REEP3: variants seen among roughly 807,000 people sequenced by gnomAD.
REEP3 encodes the protein receptor expression-enhancing protein 3.
Under a neutral mutation model 41.3 loss-of-function variants are expected in REEP3, and 20 were observed. The observed-to-expected ratio is 0.48, with a 90% CI of 0.34 to 0.70. The LOEUF (loss-of-function observed/expected upper bound fraction) is 0.70, where lower values mean the gene tolerates loss of function less well. REEP3 is among the 30% of genes least tolerant of loss of function. The pLI is 0.01. For synonymous variants in REEP3, 104 were observed against 101.8 expected, an observed-to-expected ratio of 1.02 and a Z score of -0.13; for missense variants, 271 against 308.8, an observed-to-expected ratio of 0.88 and a Z score of 0.92.
chr10:63,611,997 T>C (rs948285666), intron 6 of REEP3, among the ~76,000 whole-genome samples: 5 of 151,912 alleles, frequency 3.3e-5, no homozygotes, highest in Non-Finnish European at 5.9e-5. Flanking sequence ...CAAGAATGAA[T>C]ACCTTTACAA....
chr10:63,543,833 C>T (rs1955553200), intron 1 of REEP3, among the ~76,000 whole-genome samples: 1 of 152,132 alleles, frequency 6.6e-6, no homozygotes, highest in Non-Finnish European at 1.5e-5. Flanking sequence ...ACTAGTAATA[C>T]TTACAAAATG....
chr10:63,617,331 CTTA>C, intron 6 of REEP3, among the ~76,000 whole-genome samples: 1 of 152,112 alleles, frequency 6.6e-6, no homozygotes, highest in East Asian at 1.9e-4. Flanking sequence ...GAGTAACAAG[CTTA>C]TTAACAACTC....
intron 2 of REEP3, among the ~76,000 whole-genome samples, chr10:63,575,390 GC>G (rs1266594940): frequency 6.6e-6 from 1 of 152,132 alleles, no homozygotes; most frequent in Non-Finnish European, 1.5e-5. Flanking sequence ...AGTCAATTTT[GC>G]TAAACCCTCA....
At chr10:63,550,017 G>T (rs4469774) in intron 1 of REEP3, among the ~76,000 whole-genome samples, 21,140 of 152,232 alleles carry the variant, frequency 0.14, 2,060 homozygotes, top group East Asian at 0.29. Flanking sequence ...TTTAAGTGAG[G>T]CAGTGCTGCA....
At chr10:63,619,307 A>G (rs2133438399) in intron 6 of REEP3, among the ~76,000 whole-genome samples, 2 of 152,340 alleles carry the variant, frequency 1.3e-5, no homozygotes, top group Middle Eastern at 3.4e-3. Flanking sequence ...GAAGAGGAGG[A>G]AAGGTGGGAA....
At chr10:63,573,376 A>C (rs968888768) in intron 2 of REEP3, among the ~76,000 whole-genome samples, 8 of 152,184 alleles carry the variant, frequency 5.3e-5, no homozygotes, top group African/African-American at 1.4e-4. Flanking sequence ...ATTCCATCTC[A>C]TGACTTGAAA....
intron 6 of REEP3, among the ~76,000 whole-genome samples, chr10:63,617,189 G>A (rs1956318584): frequency 6.6e-6 from 1 of 152,094 alleles, no homozygotes; most frequent in Admixed American, 6.6e-5. Flanking sequence ...ACCACTGCAA[G>A]AAAACAAAGG....
At chr10:63,580,954 GT>G (rs1955948768) in intron 2 of REEP3, among the ~76,000 whole-genome samples, 1 of 152,148 alleles carries the variant, frequency 6.6e-6, no homozygotes, top group African/African-American at 2.4e-5. Flanking sequence ...TGAGGCTGCA[GT>G]GAGCTGGGAT....
chr10:63,611,383 T>C (rs914752855), intron 6 of REEP3, among the ~76,000 whole-genome samples: 1 of 152,220 alleles, frequency 6.6e-6, no homozygotes. Flanking sequence ...ATTACTCCCA[T>C]GGAAAATGTG....
At chr10:63,600,111 TA>T (rs1349653621) in intron 5 of REEP3, among the ~76,000 whole-genome samples, 1 of 152,202 alleles carries the variant, frequency 6.6e-6, no homozygotes, top group African/African-American at 2.4e-5. Flanking sequence ...GCTATTAAAT[TA>T]AATTGAGATT....
At chr10:63,594,279 T>C (rs544001493) in intron 2 of REEP3, among the ~76,000 whole-genome samples, 1 of 151,640 alleles carries the variant, frequency 6.6e-6, no homozygotes, top group African/African-American at 2.4e-5. Flanking sequence ...TCCCAGCTAC[T>C]CGGGCAGCTG....
intron 1 of REEP3, among the ~76,000 whole-genome samples, chr10:63,533,771 G>C (rs1370655059): frequency 7.4e-6 from 1 of 135,452 alleles, no homozygotes; most frequent in Non-Finnish European, 1.6e-5. Context: ...GCAGTGGCGC[G>C]ATCTCAGCTC....
rs1267414162 is a variant in REEP3, at chr10:63,617,431, A to AT, written c.566-2218dup. On this transcript the variant is annotated intron_variant, in intron 6 of 7. Coordinates refer to ENST00000373758, the MANE Select transcript of REEP3 (RefSeq NM_001001330.3). The stretch of plus-strand genomic sequence containing the variant: ...TGTATTCAATTTTTTTAATATGTAT[A>AT]TTTTTTGAAACAGGCTATAATGCAG... Among the ~76,000 whole-genome samples the AT allele has an allele frequency of 2.0e-5, 3 of 152,214 alleles. No individual in the cohort carries two copies. The East Asian group carries it at 5.8e-4, about 29-fold the overall frequency.
At chr10:63,547,447 G>A (rs902714690) in intron 1 of REEP3, among the ~76,000 whole-genome samples, 9 of 152,080 alleles carry the variant, frequency 5.9e-5, no homozygotes, top group South Asian at 2.1e-4. Flanking sequence ...AAATGGACAA[G>A]ATACTTCACA....
rs77269175 is a variant in REEP3, at chr10:63,591,134, T to G, written c.106-3644T>G. ...TTTTGTGTTTTTGTTTTTGTTTTTTTTTTTTTTGACCTTGACTTCTTTCTG... is the reference window on the plus strand; with the variant it reads ...TTTTGTGTTTTTGTTTTTGTTTTTTGTTTTTTTGACCTTGACTTCTTTCTG... On this transcript the variant is annotated intron_variant, in intron 2 of 7. Transcript: ENST00000373758. 6.4e-3 allele frequency among the ~76,000 whole-genome samples: 973 copies of G among 151,354 alleles called. 4 individuals are homozygous for G. The highest frequency in any genetic ancestry group is 0.012 in the Admixed American group (176 of 15,218).
At chr10:63,558,413 C>A (rs979065334) in intron 1 of REEP3, among the ~76,000 whole-genome samples, 43 of 152,222 alleles carry the variant, frequency 2.8e-4, no homozygotes, top group African/African-American at 9.6e-4. Context: ...ATCCTTACTT[C>A]ACATCTTATG....
intron 1 of REEP3, among the ~76,000 whole-genome samples, chr10:63,522,754 C>T (rs1354667314): frequency 6.6e-6 from 1 of 152,138 alleles, no homozygotes; most frequent in Non-Finnish European, 1.5e-5. Context: ...GCACAGCATT[C>T]AAAATTTTTC....
intron 1 of REEP3, among the ~76,000 whole-genome samples, chr10:63,534,255 T>G (rs1955454181): frequency 6.6e-6 from 1 of 152,094 alleles, no homozygotes; most frequent in African/African-American, 2.4e-5. Flanking sequence ...TTTTTATTTT[T>G]TTTTTGTTTT....
chr10:63,578,194 G>T (rs1300933605), intron 2 of REEP3, among the ~76,000 whole-genome samples: 5 of 152,146 alleles, frequency 3.3e-5, no homozygotes, highest in African/African-American at 4.8e-5. Flanking sequence ...CCACCTCGCA[G>T]GTTCAAGCGA....
Sources: gnomAD v4.1 joint callset for allele counts (sites outside exome capture counted in the v4.1 genomes callset) on GRCh38, gnomAD v4.1.1 for gene constraint, MANE v1.5 for transcripts, NCBI Gene and HGNC (gene_info 2026-07-23, HGNC 2026-07-21) for gene names.